SLC7A2: variants seen among roughly 807,000 people sequenced by gnomAD.
SLC7A2 encodes cationic amino acid transporter 2.
In SLC7A2, 48 loss-of-function variants were observed where a neutral mutation model predicts 58.9. That is an observed-to-expected ratio of 0.82 (90% CI 0.65 to 1.04). The LOEUF (loss-of-function observed/expected upper bound fraction) is 1.04. Among genes scored for constraint, SLC7A2 ranks in the 50% least tolerant of loss-of-function variants. SLC7A2 has a pLI of 0.00. For missense variants in SLC7A2, 1,029 were observed against 818.8 expected (o/e 1.26, Z -3.13); for synonymous variants, 363 against 314.5 (o/e 1.15, Z -1.63).
intron 2 of SLC7A2, chr8:17,538,778 C>T: frequency 1.2e-6 from 2 of 1,611,026 alleles, no homozygotes; most frequent in Non-Finnish European, 1.7e-6. Flanking sequence ...TTCCATCAGT[C>T]CCAAAACAGA....
rs1485620877 is a variant in SLC7A2 at position 17,562,201 on chromosome 8, TTTTTTTTTTTTTTTG to T, written c.1671+92_1671+106del. On this transcript the variant is annotated intron_variant, in intron 11 of 12. Transcript: ENST00000494857. ...AAGTATTTTTTTTTTTTTTTTTTTT[TTTTTTTTTTTTTTTG>T]GAGATGGAATCTCTCTCTTTGTCAC... 2.2e-5 allele frequency: 6 copies of T among 269,062 alleles called. No individual in the cohort carries two copies. The East Asian group carries it at 2.5e-4, about 11-fold the overall frequency. The allele number at this position is 269,062 out of a possible 1,614,324, so 16.7% of individuals were successfully genotyped here.
At chr8:17,513,770 A>G (rs534697686) in intron 2 of SLC7A2, among the ~76,000 whole-genome samples, 5 of 152,338 alleles carry the variant, frequency 3.3e-5, no homozygotes, top group African/African-American at 1.2e-4. Flanking sequence ...ACATTTGACC[A>G]AGCAAAATTG....
chr8:17,513,180 GA>G (rs1205204750), intron 2 of SLC7A2, among the ~76,000 whole-genome samples: 1 of 152,120 alleles, frequency 6.6e-6, no homozygotes, highest in African/African-American at 2.4e-5. Context: ...ACCAGTAGTA[GA>G]ATTGCTGGAT....
chr8:17,546,784 A>G (rs1175202976), intron 4 of SLC7A2, among the ~76,000 whole-genome samples: 2 of 152,186 alleles, frequency 1.3e-5, no homozygotes, highest in Non-Finnish European at 2.9e-5. Context: ...CGGGGAACAA[A>G]CAACTAAATC....
chr8:17,503,633 T>A lies in SLC7A2; in HGVS notation c.-23+1331T>A, dbSNP rs193279814. On this transcript the variant is annotated intron_variant, in intron 2 of 12. Coordinates refer to ENST00000494857, the MANE Select transcript of SLC7A2 (RefSeq NM_001370338.1). ...TACGCGGCGCTCATAGTTCGCAGAA[T>A]ATTTGCAACTTGCCAAGGTACTTGT... Among the ~76,000 whole-genome samples the A allele has an allele frequency of 2.5e-3, 388 of 152,272 alleles. 4 individuals carry two copies. Among genetic ancestry groups the A allele is most frequent in the Middle Eastern group, 0.014 (4 of 294 alleles).
At chr8:17,504,124 T>G (rs1001081240) in intron 2 of SLC7A2, among the ~76,000 whole-genome samples, 3 of 152,224 alleles carry the variant, frequency 2.0e-5, no homozygotes, top group Non-Finnish European at 4.4e-5. Context: ...TGTGAAGGCA[T>G]TGGTAGAAGA....
intron 4 of SLC7A2, among the ~76,000 whole-genome samples, chr8:17,545,401 TTC>T (rs1802116235): frequency 4.1e-5 from 6 of 147,706 alleles, no homozygotes; most frequent in Admixed American, 4.1e-4. Flanking sequence ...TTTGAACATT[TTC>T]TTTTTTTTTT....
intron 10 of SLC7A2, 33 bp downstream of exon 10, chr8:17,560,566 C>A (rs1380023675): frequency 1.3e-6 from 2 of 1,537,932 alleles, no homozygotes; most frequent in South Asian, 2.2e-5. Context: ...ATTGTACAGA[C>A]CCAGAAGATG....
intron 2 of SLC7A2, among the ~76,000 whole-genome samples, chr8:17,505,825 C>T (rs544744507): frequency 1.3e-5 from 2 of 152,292 alleles, no homozygotes; most frequent in Admixed American, 1.3e-4. Flanking sequence ...AATAAACTTA[C>T]AGTTGAGTAG....
intron 2 of SLC7A2, among the ~76,000 whole-genome samples, chr8:17,536,398 C>G (rs367847914): frequency 6.6e-6 from 1 of 152,190 alleles, no homozygotes; most frequent in African/African-American, 2.4e-5. Context: ...AAACCTGTCT[C>G]TACCAAAAAT....
chr8:17,550,197 G>T, intron 5 of SLC7A2, 104 bp from the exon 6 acceptor site: 2 of 1,030,638 alleles, frequency 1.9e-6, no homozygotes. Flanking sequence ...TCTTCAAAGA[G>T]CTAATAAACA....
At chr8:17,516,219 T>G in intron 2 of SLC7A2, among the ~76,000 whole-genome samples, 1 of 101,852 alleles carries the variant, frequency 9.8e-6, no homozygotes, top group South Asian at 4.8e-4. Flanking sequence ...TTTATTTAAT[T>G]AATTAATTAA....
intron 2 of SLC7A2, among the ~76,000 whole-genome samples, chr8:17,535,491 C>T (rs895934507): frequency 3.3e-5 from 5 of 152,162 alleles, no homozygotes; most frequent in African/African-American, 1.2e-4. Flanking sequence ...TGTGTCTGTG[C>T]AACTGCAGGT....
At chr8:17,520,508 G>A (rs1800971180) in intron 2 of SLC7A2, among the ~76,000 whole-genome samples, 1 of 151,612 alleles carries the variant, frequency 6.6e-6, no homozygotes, top group Admixed American at 6.6e-5. Context: ...GAGTGTGGTG[G>A]CACACGTCTG....
intron 9 of SLC7A2, among the ~76,000 whole-genome samples, chr8:17,559,309 G>T (rs1802851941): frequency 6.6e-6 from 1 of 152,102 alleles, no homozygotes; most frequent in Non-Finnish European, 1.5e-5. Context: ...AGTTCCACAG[G>T]GCTGGAGAGG....
intron 2 of SLC7A2, among the ~76,000 whole-genome samples, chr8:17,523,034 C>G (rs1314866942): frequency 2.6e-5 from 4 of 151,734 alleles, no homozygotes; most frequent in African/African-American, 7.3e-5. Flanking sequence ...GACCCTGTAT[C>G]AAAAAATAAA....
chr8:17,501,298 G>A (rs1165931253), intron 1 of SLC7A2, among the ~76,000 whole-genome samples: 1 of 152,194 alleles, frequency 6.6e-6, no homozygotes, highest in Non-Finnish European at 1.5e-5. Context: ...ACAGGCCTGA[G>A]CCACTGTGCT....
chr8:17,534,542 A>G (rs73566075), intron 2 of SLC7A2, among the ~76,000 whole-genome samples: 99 of 152,310 alleles, frequency 6.5e-4, no homozygotes, highest in African/African-American at 2.3e-3. Flanking sequence ...ACTCTGTTCC[A>G]TGAAAATATC....
chr8:17,528,373 T>C (rs1043723087), intron 2 of SLC7A2, among the ~76,000 whole-genome samples: 7 of 152,130 alleles, frequency 4.6e-5, no homozygotes, highest in African/African-American at 1.4e-4. Context: ...GGTGTGGCCA[T>C]TACGCTTTTT....
Sources: gnomAD v4.1 joint callset for allele counts (sites outside exome capture counted in the v4.1 genomes callset) on GRCh38, gnomAD v4.1.1 for gene constraint, MANE v1.5 for transcripts, NCBI Gene and HGNC (gene_info 2026-07-23, HGNC 2026-07-21) for gene names.